Variants in CDH20 observed in about 807,000 individuals in gnomAD.
CDH20 encodes cadherin 20, also known as cadherin-20.
In CDH20, 29 loss-of-function variants were observed where a neutral mutation model predicts 74.2. The observed-to-expected ratio is 0.39, with a 90% CI of 0.29 to 0.53. CDH20 has a LOEUF of 0.53. Ranked by LOEUF, CDH20 falls within the 20% of genes least tolerant of loss-of-function variation. The probability of loss-of-function intolerance (pLI) is 0.69; values close to 1 mark genes in which losing one functional copy is unlikely to be tolerated. For synonymous variants in CDH20, 469 were observed against 405.4 expected, an observed-to-expected ratio of 1.16 and a Z score of -1.88; for missense variants, 988 against 1,048.3, an observed-to-expected ratio of 0.94 and a Z score of 0.79.
chr18:61,475,321 T>C (rs1471486602), intron 1 of CDH20, among the ~76,000 whole-genome samples: 1 of 152,206 alleles, frequency 6.6e-6, no homozygotes, highest in Non-Finnish European at 1.5e-5. Flanking sequence ...CCCTGACTTC[T>C]GGATTTTGAC....
intron 1 of CDH20, among the ~76,000 whole-genome samples, chr18:61,410,786 C>A: frequency 6.6e-6 from 1 of 152,132 alleles, no homozygotes; most frequent in East Asian, 1.9e-4. Context: ...CATAATAGCC[C>A]TAGAAGGAAA....
intron 1 of CDH20, among the ~76,000 whole-genome samples, chr18:61,482,692 G>T (rs372313337): frequency 6.6e-6 from 1 of 151,964 alleles, no homozygotes; most frequent in South Asian, 2.1e-4. Context: ...ACGGGGTCTT[G>T]CCCTGTTGCC....
intron 6 of CDH20, among the ~76,000 whole-genome samples, chr18:61,510,397 T>C (rs1386731835): frequency 6.6e-6 from 1 of 152,136 alleles, no homozygotes; most frequent in Non-Finnish European, 1.5e-5. Flanking sequence ...ACAGGTCAAA[T>C]AAGAACATCA....
intron 1 of CDH20, among the ~76,000 whole-genome samples, chr18:61,359,622 C>G (rs1013006411): frequency 6.6e-6 from 1 of 152,022 alleles, no homozygotes; most frequent in African/African-American, 2.4e-5. Flanking sequence ...AAGCTTGAGG[C>G]ACGGTTTATT....
At position 61,554,713 on chromosome 18, in the gene CDH20, G is replaced by T; in HGVS notation, c.*18G>T. 6.5e-7 allele frequency: 1 copy of T among 1,531,936 alleles called. No individual in the cohort carries two copies. The highest frequency in any genetic ancestry group is 8.8e-7 in the Non-Finnish European group (1 of 1,139,716). 94.9% of individuals were successfully genotyped at this position (1,531,936 alleles called of 1,614,324 possible). A position where few individuals can be genotyped will look rare whatever the true frequency, so the allele number is the denominator to read the frequency against. ...TGTGGTGACGGAAGCCAGGAGGCAG[G>T]CGCGCGTCCAAATCCAGACGTTCTC... On this transcript the variant is annotated 3_prime_UTR_variant, in exon 12 of 12. Transcript: ENST00000262717.
chr18:61,397,421 G>A (rs1912021037), intron 1 of CDH20, among the ~76,000 whole-genome samples: 1 of 152,096 alleles, frequency 6.6e-6, no homozygotes, highest in East Asian at 1.9e-4. Context: ...CAGCCCTGTG[G>A]AGTTTCTTGA....
intron 7 of CDH20, among the ~76,000 whole-genome samples, chr18:61,536,135 T>C (rs1327044978): frequency 3.3e-5 from 5 of 152,208 alleles, no homozygotes; most frequent in Non-Finnish European, 7.3e-5. Flanking sequence ...AATACAATTC[T>C]TTTTAAACAA....
intron 1 of CDH20, among the ~76,000 whole-genome samples, chr18:61,362,484 C>T (rs1910726423): frequency 6.6e-6 from 1 of 152,062 alleles, no homozygotes; most frequent in African/African-American, 2.4e-5. Flanking sequence ...ATTGAGGATA[C>T]AAACAAACAA....
intron 1 of CDH20, among the ~76,000 whole-genome samples, chr18:61,377,869 T>C (rs548644929): frequency 1.3e-5 from 2 of 152,270 alleles, no homozygotes; most frequent in South Asian, 2.1e-4. Context: ...CTAACTCTTA[T>C]ACTAATTAGA....
chr18:61,478,345 GAC>G (rs1363417783), intron 1 of CDH20, among the ~76,000 whole-genome samples: 1 of 151,890 alleles, frequency 6.6e-6, no homozygotes, highest in Admixed American at 6.6e-5. Flanking sequence ...ATATGTTAAG[GAC>G]AATAAGCCCT....
chr18:61,428,982 G>A (rs1454347968), intron 1 of CDH20, among the ~76,000 whole-genome samples: 1 of 152,086 alleles, frequency 6.6e-6, no homozygotes, highest in African/African-American at 2.4e-5. Context: ...CTATGCCACA[G>A]TAGTCCCCAG....
intron 8 of CDH20, among the ~76,000 whole-genome samples, chr18:61,537,937 A>G (rs532103798): frequency 1.3e-5 from 2 of 152,302 alleles, no homozygotes; most frequent in East Asian, 3.9e-4. Context: ...GTGTCTCGCA[A>G]TTTCTGTTTT....
At chr18:61,461,341 A>T (rs1909764125) in intron 1 of CDH20, among the ~76,000 whole-genome samples, 1 of 150,990 alleles carries the variant, frequency 6.6e-6, no homozygotes, top group East Asian at 1.9e-4. Flanking sequence ...AAAAAAAAAA[A>T]AAAAAAACCA....
intron 1 of CDH20, among the ~76,000 whole-genome samples, chr18:61,432,601 C>G (rs1355365976): frequency 6.6e-6 from 1 of 152,164 alleles, no homozygotes; most frequent in South Asian, 2.1e-4. Context: ...TTTCCCAAAC[C>G]CTTGTGTTTT....
intron 1 of CDH20, among the ~76,000 whole-genome samples, chr18:61,486,628 A>G (rs1910771921): frequency 5.5e-5 from 2 of 36,492 alleles, no homozygotes; most frequent in African/African-American, 1.3e-4. Context: ...AGATCTCCAT[A>G]AAGTCTCTCT....
At chr18:61,497,853 C>T (rs1911226094) in intron 2 of CDH20, among the ~76,000 whole-genome samples, 1 of 152,158 alleles carries the variant, frequency 6.6e-6, no homozygotes, top group South Asian at 2.1e-4. Flanking sequence ...ATCAAATAAT[C>T]TCATGAACTT....
intron 1 of CDH20, among the ~76,000 whole-genome samples, chr18:61,459,718 G>A (rs905844753): frequency 1.3e-5 from 2 of 152,104 alleles, no homozygotes; most frequent in Admixed American, 6.5e-5. Context: ...GGATTCCTAT[G>A]CACTTTCAAG....
chr18:61,381,971 C>CCCA (rs1412478265), intron 1 of CDH20, among the ~76,000 whole-genome samples: 1 of 152,172 alleles, frequency 6.6e-6, no homozygotes, highest in Non-Finnish European at 1.5e-5. Context: ...ACTACTACCC[C>CCCA]CCCCAGTATG....
rs151252715 is a variant in CDH20 at position 61,467,145 on chromosome 18, G to GTA, written c.-152-23244_-152-23243dup. Reference sequence around the variant, plus strand: ...GTGTCTGGTACCATCTCTAATGACAGTATATATATATATAATGATCAGCTG... The same window carrying GTA: ...GTGTCTGGTACCATCTCTAATGACAGTATATATATATATATAATGATCAGCTG... On this transcript the variant is annotated intron_variant, in intron 1 of 11. Transcript: ENST00000262717. Among the ~76,000 whole-genome samples, 288 of 151,266 alleles carry GTA rather than the reference G, an allele frequency of 1.9e-3. 3 individuals carry two copies. The highest frequency in any genetic ancestry group is 0.018 in the East Asian group (94 of 5,158).
Sources: gnomAD v4.1 joint callset for allele counts (sites outside exome capture counted in the v4.1 genomes callset) on GRCh38, gnomAD v4.1.1 for gene constraint, MANE v1.5 for transcripts, NCBI Gene and HGNC (gene_info 2026-07-23, HGNC 2026-07-21) for gene names.